The following GRIK2 variants were observed in gnomAD, a reference collection of about 807,000 sequenced individuals.
The protein encoded by GRIK2 is glutamate ionotropic receptor kainate type subunit 2, also known as glutamate receptor ionotropic, kainate 2.
In GRIK2, 32 loss-of-function variants were observed where a neutral mutation model predicts 100.3. The observed-to-expected ratio is 0.32, with a 90% CI of 0.24 to 0.43. The LOEUF (loss-of-function observed/expected upper bound fraction) is 0.43, where lower values mean the gene tolerates loss of function less well. Ranked by LOEUF, GRIK2 falls within the 20% of genes least tolerant of loss-of-function variation. The pLI is 1.00. For synonymous variants in GRIK2, 417 were observed against 389.4 expected (o/e 1.07, Z -0.83); for missense variants, 843 against 1,114.9 (o/e 0.76, Z 3.47).
In GRIK2 at chr6:101,901,611, G is replaced by A. The variant is rs1787852143; in HGVS notation, c.1748+11748G>A. 2.6e-5 allele frequency among the ~76,000 whole-genome samples: 4 copies of A among 151,762 alleles called. No homozygotes were observed. The South Asian group carries it at 8.3e-4, about 32-fold the overall frequency. ...TTATAACTTTAAGTAATAAGAATAA[G>A]TCATAAGGATCTGTAATCAGCTTAT... On this transcript the variant is annotated intron_variant, in intron 12 of 16. Coordinates refer to ENST00000369134, the MANE Select transcript of GRIK2 (RefSeq NM_021956.5).
At chr6:102,035,192 G>GGTAT (rs1554195135) in intron 14 of GRIK2, 149 bp from the exon 15 acceptor site, 17 of 172,334 alleles carry the variant, frequency 9.9e-5, no homozygotes, top group Admixed American at 9.8e-4. Context: ...AGACTTTTTT[G>GGTAT]GTATATATAT....
intron 12 of GRIK2, among the ~76,000 whole-genome samples, chr6:101,899,163 A>G (rs979943966): frequency 6.7e-6 from 1 of 150,126 alleles, no homozygotes; most frequent in Non-Finnish European, 1.5e-5. Flanking sequence ...GAATTTCAAT[A>G]TCTTTGGATA....
At chr6:101,449,084 A>G (rs980742955) in intron 2 of GRIK2, among the ~76,000 whole-genome samples, 1 of 151,630 alleles carries the variant, frequency 6.6e-6, no homozygotes, top group Non-Finnish European at 1.5e-5. Flanking sequence ...TAGTAAAGAA[A>G]ATTGACAAAA....
intron 7 of GRIK2, among the ~76,000 whole-genome samples, chr6:101,753,949 T>C (rs56000471): frequency 0.053 from 7,994 of 152,130 alleles, 245 homozygotes; most frequent in Middle Eastern, 0.1. Flanking sequence ...TAATTAATGT[T>C]TTTGAATTAA....
intron 14 of GRIK2, among the ~76,000 whole-genome samples, chr6:101,950,040 T>G (rs1472478502): frequency 6.6e-6 from 1 of 152,048 alleles, no homozygotes; most frequent in African/African-American, 2.4e-5. Context: ...CTGACATTGG[T>G]TTTATGACCT....
At chr6:101,815,805 A>T (rs562970816) in intron 9 of GRIK2, among the ~76,000 whole-genome samples, 1 of 152,308 alleles carries the variant, frequency 6.6e-6, no homozygotes, top group South Asian at 2.1e-4. Flanking sequence ...CAATCTAGGA[A>T]TATCTAAAAT....
At chr6:101,798,459 C>G (rs1780461397) in intron 7 of GRIK2, among the ~76,000 whole-genome samples, 1 of 151,778 alleles carries the variant, frequency 6.6e-6, no homozygotes, top group African/African-American at 2.4e-5. Flanking sequence ...AGTTATTTTC[C>G]CAAGAGATTT....
chr6:101,491,537 G>A (rs539212027), intron 2 of GRIK2, among the ~76,000 whole-genome samples: 69 of 152,072 alleles, frequency 4.5e-4, no homozygotes, highest in African/African-American at 1.6e-3. Flanking sequence ...TATAATGAAT[G>A]CCTGCATACT....
intron 16 of GRIK2, among the ~76,000 whole-genome samples, chr6:102,058,357 T>C (rs994594160): frequency 1.3e-5 from 2 of 151,780 alleles, no homozygotes; most frequent in Non-Finnish European, 2.9e-5. Flanking sequence ...TATTTGTCTA[T>C]CTATTTACCT....
chr6:101,707,496 C>A (rs934664779), intron 7 of GRIK2, among the ~76,000 whole-genome samples: 17 of 139,956 alleles, frequency 1.2e-4, no homozygotes, highest in Admixed American at 1.0e-3. Flanking sequence ...TATATAAATT[C>A]TTTTATATAT....
At chr6:101,475,366 G>T (rs1457222210) in intron 2 of GRIK2, among the ~76,000 whole-genome samples, 1 of 151,876 alleles carries the variant, frequency 6.6e-6, no homozygotes, top group Non-Finnish European at 1.5e-5. Flanking sequence ...CGAAATGATG[G>T]ATAAAAATAT....
chr6:101,634,318 A>G (rs1780904547), intron 4 of GRIK2, among the ~76,000 whole-genome samples: 1 of 152,090 alleles, frequency 6.6e-6, no homozygotes, highest in South Asian at 2.1e-4. Flanking sequence ...CTATGTTCCT[A>G]GTTGGGGATA....
intron 7 of GRIK2, among the ~76,000 whole-genome samples, chr6:101,690,981 A>G (rs1029423043): frequency 6.6e-6 from 1 of 152,106 alleles, no homozygotes; most frequent in African/African-American, 2.4e-5. Flanking sequence ...TTCTTTTTAC[A>G]TCACTTTTTC....
intron 11 of GRIK2, among the ~76,000 whole-genome samples, chr6:101,873,531 T>C (rs1171098699): frequency 6.6e-6 from 1 of 152,014 alleles, no homozygotes; most frequent in East Asian, 1.9e-4. Flanking sequence ...GTCTTTGCTA[T>C]TGTGAATAGT....
intron 1 of GRIK2, among the ~76,000 whole-genome samples, 154 bp downstream of exon 1, chr6:101,393,991 G>C (rs1365377564): frequency 2.0e-5 from 3 of 152,356 alleles, no homozygotes; most frequent in African/African-American, 7.2e-5. Context: ...CCGTGCGCTC[G>C]GGGCGCCCGC....
intron 14 of GRIK2, among the ~76,000 whole-genome samples, chr6:102,006,019 G>A (rs529755381): frequency 1.3e-5 from 2 of 151,978 alleles, no homozygotes; most frequent in South Asian, 2.1e-4. Context: ...GGTGCACTGC[G>A]ATGGCCTTAT....
At chr6:101,569,776 C>T (rs955800398) in intron 2 of GRIK2, among the ~76,000 whole-genome samples, 8 of 151,942 alleles carry the variant, frequency 5.3e-5, no homozygotes, top group Non-Finnish European at 7.4e-5. Flanking sequence ...TAAATCCTTT[C>T]GGAAGGAATG....
chr6:101,814,876 C>T (rs1583199821), intron 9 of GRIK2, among the ~76,000 whole-genome samples: 1 of 152,068 alleles, frequency 6.6e-6, no homozygotes, highest in Non-Finnish European at 1.5e-5. Context: ...AGTGTATAAA[C>T]AGAATATAAT....
chr6:101,462,085 A>G (rs913037134), intron 2 of GRIK2, among the ~76,000 whole-genome samples: 8 of 152,172 alleles, frequency 5.3e-5, no homozygotes, highest in Non-Finnish European at 1.2e-4. Flanking sequence ...CTCAAGTGAA[A>G]TAGAGACACT....
Sources: allele counts gnomAD v4.1 joint callset (sites outside exome capture counted in the v4.1 genomes callset), GRCh38; gene constraint gnomAD v4.1.1; transcripts MANE v1.5; gene names NCBI Gene and HGNC (gene_info 2026-07-23, HGNC 2026-07-21).